TERF2: variants seen among roughly 807,000 people sequenced by gnomAD.
The protein encoded by TERF2 is telomeric repeat-binding factor 2.
In TERF2, 16 loss-of-function variants were observed where a neutral mutation model predicts 56.1. The ratio of observed to expected loss-of-function variants is 0.29; its 90% CI spans 0.19 to 0.43. The LOEUF is 0.43. Among genes scored for constraint, TERF2 ranks in the 20% least tolerant of loss-of-function variants. TERF2 has a pLI of 1.00. For missense variants in TERF2, 547 were observed against 712.9 expected (o/e 0.77, Z 2.65); for synonymous variants, 296 against 282.1 (o/e 1.05, Z -0.50).
At position 69,356,528 on chromosome 16, in the gene TERF2, C is replaced by T. The variant is rs889303070; in HGVS notation, c.*370G>A. ...TGAAAGAAACAGCAGATGCCAGGCG[C>T]GGTGGCTCATGCCTGTAATCCCAGC... On this transcript the variant is annotated 3_prime_UTR_variant, in exon 10 of 10. Coordinates refer to ENST00000254942, the MANE Select transcript of TERF2 (RefSeq NM_005652.5). 7 of 265,060 alleles carry T rather than the reference C, an allele frequency of 2.6e-5. No homozygotes were observed. Among genetic ancestry groups the T allele is most frequent in the African/African-American group, 1.6e-4 (7 of 44,148 alleles). The allele number at this position is 265,060 out of a possible 1,614,324, so 16.4% of individuals were successfully genotyped here.
At position 69,366,834 on chromosome 16, in the gene TERF2, T is replaced by A; in HGVS notation, c.1313A>T (p.Gln438Leu). ...APPSKPTVLN[Q>L]PLPGEKNPKV... ...GGGATTCTTCTCTCCAGGGAGGGGT[T>A]GGTTGAGAACGGTGGGCTTGGATGG... The change falls in exon 7 of 10, where the codon CAA becomes CTA. Residue 438 changes from glutamine (Q) to leucine (L), a missense_variant. Coordinates refer to ENST00000254942, the MANE Select transcript of TERF2 (RefSeq NM_005652.5). 6.2e-7 allele frequency: 1 copy of A among 1,613,564 alleles called. No individual in the cohort carries two copies. The highest frequency in any genetic ancestry group is 8.5e-7 in the Non-Finnish European group (1 of 1,179,806).
At chr16:69,370,423 C>G (rs1370018799) in intron 5 of TERF2, 60 bp downstream of exon 5, 16 of 1,577,884 alleles carry the variant, frequency 1.0e-5, no homozygotes, top group Non-Finnish European at 1.4e-5. Context: ...TTCAGATATT[C>G]TGATTCCCCG....
chr16:69,367,644 T>C (rs1041875259), intron 6 of TERF2, among the ~76,000 whole-genome samples: 6 of 152,246 alleles, frequency 3.9e-5, no homozygotes, highest in South Asian at 4.1e-4. Flanking sequence ...CTTTTAAAAA[T>C]AAAGTTCATC....
chr16:69,382,529 G>C (rs1270970191), intron 3 of TERF2, among the ~76,000 whole-genome samples: 8 of 152,216 alleles, frequency 5.3e-5, no homozygotes, highest in Non-Finnish European at 1.2e-4. Context: ...TAGTCTGTAT[G>C]ACCAAGAGCA....
chr16:69,377,669 C>G (rs995260086), intron 3 of TERF2, among the ~76,000 whole-genome samples: 6 of 152,120 alleles, frequency 3.9e-5, no homozygotes, highest in Admixed American at 1.3e-4. Flanking sequence ...TAGACTTACA[C>G]GTATTTCTTT....
chr16:69,367,714 G>A (rs1000377936), intron 6 of TERF2, among the ~76,000 whole-genome samples: 4 of 152,158 alleles, frequency 2.6e-5, no homozygotes, highest in Non-Finnish European at 5.9e-5. Flanking sequence ...GGGCAAACTG[G>A]CAGCCTGCAG....
intron 8 of TERF2, among the ~76,000 whole-genome samples, chr16:69,360,824 A>G (rs1365839104): frequency 6.6e-6 from 1 of 152,094 alleles, no homozygotes; most frequent in African/African-American, 2.4e-5. Flanking sequence ...GATTTTAGGA[A>G]GAACATCAAC....
Position 69,375,025 on chromosome 16 carries a change from T to C in TERF2, c.607-2670A>G, listed in dbSNP as rs546598340. Among the ~76,000 whole-genome samples the C allele has an allele frequency of 2.6e-5, 4 of 152,256 alleles. No homozygotes were observed. The South Asian group carries it at 8.3e-4, about 31-fold the overall frequency. ...ACTTTTTTTTTAAAGGATGTAGCCTTGAGCTTGGCTCCTTTCACTCTGTAT... is the reference window on the plus strand; with the variant it reads ...ACTTTTTTTTTAAAGGATGTAGCCTCGAGCTTGGCTCCTTTCACTCTGTAT... On this transcript the variant is annotated intron_variant, in intron 3 of 9. Transcript: ENST00000254942.
At chr16:69,374,703 C>T (rs1204774533) in intron 3 of TERF2, among the ~76,000 whole-genome samples, 2 of 136,326 alleles carry the variant, frequency 1.5e-5, no homozygotes, top group African/African-American at 2.8e-5. Flanking sequence ...CGCAGTGGCT[C>T]GCGCCTGTAA....
At position 69,356,236 on chromosome 16, in the gene TERF2, C is replaced by A. The variant is rs987820322; in HGVS notation, c.*662G>T. The A allele has an allele frequency of 2.2e-6, 1 of 454,948 alleles. No homozygotes were observed. The allele number at this position is 454,948 out of a possible 1,614,324, so 28.2% of individuals were successfully genotyped here. ...TGCTGGTTTTAACAGGTCATGGAGTCACAAGTGGCTCCTAATAGACTTCAC... is the reference window on the plus strand; with the variant it reads ...TGCTGGTTTTAACAGGTCATGGAGTAACAAGTGGCTCCTAATAGACTTCAC... On this transcript the variant is annotated 3_prime_UTR_variant, in exon 10 of 10. Coordinates refer to ENST00000254942, the MANE Select transcript of TERF2 (RefSeq NM_005652.5).
At chr16:69,379,491 CTCCTT>C (rs1364121432) in intron 3 of TERF2, among the ~76,000 whole-genome samples, 1 of 152,212 alleles carries the variant, frequency 6.6e-6, no homozygotes, top group Non-Finnish European at 1.5e-5. Context: ...AGATCAATCT[CTCCTT>C]TAGTTATGAG....
intron 8 of TERF2, among the ~76,000 whole-genome samples, chr16:69,359,698 G>C (rs2013059603): frequency 9.4e-6 from 1 of 106,076 alleles, no homozygotes. Context: ...TCAGCTCACT[G>C]CAACCTCCGC....
intron 3 of TERF2, among the ~76,000 whole-genome samples, chr16:69,379,139 G>T (rs1225677388): frequency 6.6e-6 from 1 of 152,216 alleles, no homozygotes; most frequent in Non-Finnish European, 1.5e-5. Context: ...GTAGGTTTAT[G>T]TTGGGAAGAA....
At chr16:69,376,691 C>CAAA (rs1003834288) in intron 3 of TERF2, among the ~76,000 whole-genome samples, 1 of 94,804 alleles carries the variant, frequency 1.1e-5, no homozygotes, top group Non-Finnish European at 2.3e-5. Flanking sequence ...CCATCTTTAC[C>CAAA]AAAAAAAAAA....
chr16:69,357,960 T>G (rs1392983615), intron 8 of TERF2, among the ~76,000 whole-genome samples: 2 of 150,888 alleles, frequency 1.3e-5, no homozygotes, highest in Non-Finnish European at 3.0e-5. Flanking sequence ...CCCATTCTCC[T>G]GCCTCAGCCT....
Position 69,385,478 on chromosome 16 carries a change from C to G in TERF2, c.388G>C (p.Val130Leu). 3 of 1,614,122 alleles carry G rather than the reference C, an allele frequency of 1.9e-6. No homozygotes were observed. The highest frequency in any genetic ancestry group is 1.3e-5 in the African/African-American group (1 of 75,036). The change falls in exon 2 of 10, where the codon GTC becomes CTC. Residue 130 changes from valine to leucine, a missense_variant. Val to Leu is a conservative substitution (Grantham distance 32). Transcript: ENST00000254942. Reference sequence around the variant, plus strand: ...GTGTGCTCCTTCCCCAAGGGCCTGACAAGCAAAGCTGGGAGAGAAGACATC... The same window carrying G: ...GTGTGCTCCTTCCCCAAGGGCCTGAGAAGCAAAGCTGGGAGAGAAGACATC... ...QIRDIMQALL[V>L]RPLGKEHTVS...
intron 8 of TERF2, among the ~76,000 whole-genome samples, chr16:69,358,592 A>G (rs990990323): frequency 6.6e-6 from 1 of 152,228 alleles, no homozygotes; most frequent in Admixed American, 6.5e-5. Flanking sequence ...GTTCTGAGAA[A>G]TGCATCGTTT....
intron 3 of TERF2, among the ~76,000 whole-genome samples, chr16:69,378,432 T>C (rs1163972427): frequency 1.3e-5 from 2 of 152,196 alleles, no homozygotes; most frequent in African/African-American, 2.4e-5. Flanking sequence ...CAGGATAGTA[T>C]TGCCTGGGGG....
At chr16:69,378,950 T>G (rs903848884) in intron 3 of TERF2, among the ~76,000 whole-genome samples, 3 of 141,854 alleles carry the variant, frequency 2.1e-5, no homozygotes, top group East Asian at 2.2e-4. Context: ...TAATTTCCTG[T>G]GGGGGGGGGG....
Sources: allele counts gnomAD v4.1 joint callset (sites outside exome capture counted in the v4.1 genomes callset), GRCh38; gene constraint gnomAD v4.1.1; transcripts MANE v1.5; gene names NCBI Gene and HGNC (gene_info 2026-07-23, HGNC 2026-07-21).